The following FAM107B variants were observed in gnomAD, a reference collection of about 807,000 sequenced individuals.
The protein encoded by FAM107B is protein FAM107B.
A neutral mutation model predicts 31.5 loss-of-function variants in FAM107B; 21 were observed. The observed-to-expected ratio is 0.67, with a 90% CI of 0.47 to 0.96. FAM107B has a LOEUF of 0.96. Ranked by LOEUF, FAM107B falls within the 40% of genes least tolerant of loss-of-function variation. The pLI is 0.00. For missense variants in FAM107B, 452 were observed against 377.1 expected, an observed-to-expected ratio of 1.20 and a Z score of -1.64; for synonymous variants, 157 against 141.5, an observed-to-expected ratio of 1.11 and a Z score of -0.78.
chr10:14,596,717 A>G (rs1398118168), intron 2 of FAM107B, among the ~76,000 whole-genome samples: 1 of 152,166 alleles, frequency 6.6e-6, no homozygotes, highest in African/African-American at 2.4e-5. Context: ...CCACCGCAGC[A>G]GGAACCTGAA....
At chr10:14,559,113 AAAAAC>A (rs1849993340) in intron 2 of FAM107B, among the ~76,000 whole-genome samples, 1 of 68,948 alleles carries the variant, frequency 1.5e-5, no homozygotes, top group Non-Finnish European at 3.7e-5. Context: ...AAAAAAAAAA[AAAAAC>A]AAAAAAAAAA....
chr10:14,674,515 T>A (rs778786229), intron 1 of FAM107B, among the ~76,000 whole-genome samples: 5 of 152,162 alleles, frequency 3.3e-5, no homozygotes, highest in Non-Finnish European at 5.9e-5. Context: ...TGTTTGCCAG[T>A]CTTATCCTCT....
chr10:14,693,587 T>A (rs1855196797), intron 1 of FAM107B, among the ~76,000 whole-genome samples: 1 of 152,206 alleles, frequency 6.6e-6, no homozygotes, highest in African/African-American at 2.4e-5. Context: ...GTTACTCTTT[T>A]GTTTAATTTT....
intron 1 of FAM107B, among the ~76,000 whole-genome samples, chr10:14,752,037 G>A (rs1177121281): frequency 6.6e-6 from 1 of 152,168 alleles, no homozygotes; most frequent in Non-Finnish European, 1.5e-5. Flanking sequence ...TTTCCCTATT[G>A]TGATATTTAC....
intron 2 of FAM107B, among the ~76,000 whole-genome samples, chr10:14,629,492 A>T (rs1484856301): frequency 9.6e-6 from 1 of 104,300 alleles, no homozygotes; most frequent in African/African-American, 3.9e-5. Context: ...AACATATATA[A>T]TATATATATA....
chr10:14,555,716 C>T (rs1849632037), intron 2 of FAM107B: 1 of 152,222 alleles, frequency 6.6e-6, no homozygotes, highest in Admixed American at 6.5e-5. Flanking sequence ...TCAAAGAACA[C>T]AGGTCTAAAC....
chr10:14,591,805 G>C (rs529807260), intron 2 of FAM107B, among the ~76,000 whole-genome samples: 37 of 152,278 alleles, frequency 2.4e-4, no homozygotes, highest in African/African-American at 8.4e-4. Context: ...ATCTGATCAA[G>C]CTTTCATGAT....
At chr10:14,623,030 A>C (rs1309766506) in intron 2 of FAM107B, among the ~76,000 whole-genome samples, 1 of 152,232 alleles carries the variant, frequency 6.6e-6, no homozygotes, top group Non-Finnish European at 1.5e-5. Flanking sequence ...TAGTTTATCC[A>C]TCTGATACAA....
intron 2 of FAM107B, among the ~76,000 whole-genome samples, chr10:14,664,709 T>C (rs545838790): frequency 6.6e-6 from 1 of 152,324 alleles, no homozygotes; most frequent in South Asian, 2.1e-4. Context: ...TCAGAATGTA[T>C]CCTCCTCCTC....
At chr10:14,689,000 A>G (rs374404293) in intron 1 of FAM107B, among the ~76,000 whole-genome samples, 10 of 152,330 alleles carry the variant, frequency 6.6e-5, no homozygotes, top group African/African-American at 2.4e-4. Context: ...TTCATGGGAA[A>G]CATTTCATTT....
chr10:14,625,520 G>A (rs551044227), intron 2 of FAM107B, among the ~76,000 whole-genome samples: 4 of 152,248 alleles, frequency 2.6e-5, no homozygotes, highest in South Asian at 2.1e-4. Flanking sequence ...TCTGCAGGGA[G>A]CTCATAAGAA....
intron 2 of FAM107B, among the ~76,000 whole-genome samples, chr10:14,599,947 T>C (rs1258417113): frequency 6.6e-6 from 1 of 152,180 alleles, no homozygotes; most frequent in Admixed American, 6.5e-5. Flanking sequence ...CTGAAAGATT[T>C]ATTTTCACTT....
chr10:14,591,978 G>A (rs879610111), intron 2 of FAM107B, among the ~76,000 whole-genome samples: 1 of 152,204 alleles, frequency 6.6e-6, no homozygotes, highest in Non-Finnish European at 1.5e-5. Context: ...TGTTCTATAT[G>A]TATACAGCTT....
intron 2 of FAM107B, among the ~76,000 whole-genome samples, chr10:14,600,836 T>C (rs1186951519): frequency 6.6e-6 from 1 of 151,628 alleles, no homozygotes; most frequent in African/African-American, 2.4e-5. Flanking sequence ...GAGATGGGGG[T>C]CACTATGTTG....
intron 1 of FAM107B, among the ~76,000 whole-genome samples, chr10:14,713,200 C>T (rs1011343074): frequency 1.3e-5 from 2 of 152,164 alleles, no homozygotes; most frequent in Non-Finnish European, 2.9e-5. Flanking sequence ...GGACAATATG[C>T]ATCAAAAGCC....
At chr10:14,659,439 T>A (rs1854165856) in intron 2 of FAM107B, among the ~76,000 whole-genome samples, 1 of 150,352 alleles carries the variant, frequency 6.7e-6, no homozygotes, top group Admixed American at 6.6e-5. Flanking sequence ...AAACTCCGTC[T>A]CAAAACAAAA....
chr10:14,678,048 A>T (rs1854732168), intron 1 of FAM107B, among the ~76,000 whole-genome samples: 1 of 152,234 alleles, frequency 6.6e-6, no homozygotes. Flanking sequence ...GGTCAGAGAA[A>T]TCATGGAACT....
intron 1 of FAM107B, among the ~76,000 whole-genome samples, chr10:14,702,864 A>G (rs568324820): frequency 6.6e-6 from 1 of 152,246 alleles, no homozygotes; most frequent in South Asian, 2.1e-4. Flanking sequence ...GACCAGACAG[A>G]CCCACCAAGA....
chr10:14,714,822 A>G (rs1855745712), intron 1 of FAM107B, among the ~76,000 whole-genome samples: 1 of 152,248 alleles, frequency 6.6e-6, no homozygotes, highest in Admixed American at 6.5e-5. Context: ...ATGATGGAAG[A>G]CAAATTATAT....
Sources: gnomAD v4.1 joint callset for allele counts (sites outside exome capture counted in the v4.1 genomes callset) on GRCh38, gnomAD v4.1.1 for gene constraint, MANE v1.5 for transcripts, NCBI Gene and HGNC (gene_info 2026-07-23, HGNC 2026-07-21) for gene names.